SHISA9: variants seen among roughly 807,000 people sequenced by gnomAD.
The protein encoded by SHISA9 is protein shisa-9.
A neutral mutation model predicts 38.0 loss-of-function variants in SHISA9; 13 were observed. The ratio of observed to expected loss-of-function variants is 0.34; its 90% CI spans 0.22 to 0.54. The LOEUF (loss-of-function observed/expected upper bound fraction) is 0.54. Among genes scored for constraint, SHISA9 ranks in the 20% least tolerant of loss-of-function variants. SHISA9 has a pLI of 0.91. For synonymous variants in SHISA9, 275 were observed against 242.0 expected, an observed-to-expected ratio of 1.14 and a Z score of -1.27; for missense variants, 538 against 575.8, an observed-to-expected ratio of 0.93 and a Z score of 0.67.
In SHISA9 at chr16:12,991,832, C is replaced by T. The variant is rs184742793; in HGVS notation, c.691+75017C>T. The stretch of plus-strand genomic sequence containing the variant: ...AGATGATAAGTGGATACTGATAGAT[C>T]CTTTTCCTTTTAATAGTCATGCATT... On this transcript the variant is annotated intron_variant, in intron 2 of 4. Coordinates refer to ENST00000558583, the MANE Select transcript of SHISA9 (RefSeq NM_001145204.3). 5.3e-3 allele frequency among the ~76,000 whole-genome samples: 812 copies of T among 152,060 alleles called. 8 individuals are homozygous for T. The highest frequency in any genetic ancestry group is 0.019 in the African/African-American group (780 of 41,488).
At chr16:13,045,468 A>T (rs1468579655) in intron 2 of SHISA9, among the ~76,000 whole-genome samples, 1 of 152,336 alleles carries the variant, frequency 6.6e-6, no homozygotes, top group South Asian at 2.1e-4. Flanking sequence ...AGATAGGTTC[A>T]TGAGTAATGC....
intron 2 of SHISA9, among the ~76,000 whole-genome samples, chr16:12,921,047 G>A (rs1192104274): frequency 6.6e-6 from 1 of 152,162 alleles, no homozygotes; most frequent in African/African-American, 2.4e-5. Context: ...CTCTCTTTGG[G>A]TCAGTGTTGG....
chr16:12,911,357 A>C, intron 1 of SHISA9: 1 of 985,330 alleles, frequency 1.0e-6, no homozygotes, highest in South Asian at 4.7e-5. Context: ...TCTACTGTCT[A>C]ATTCATTACA....
the SHISA9 span, among the ~76,000 whole-genome samples, chr16:13,271,489 C>T: frequency 9.5e-3 from 1,441 of 152,164 alleles, 27 homozygotes; most frequent in African/African-American, 0.033. Context: ...TGTAAGTCAG[C>T]GTGTACGGTG....
intron 4 of SHISA9, among the ~76,000 whole-genome samples, chr16:13,232,526 G>A (rs531842511): frequency 5.6e-4 from 85 of 152,324 alleles, no homozygotes; most frequent in African/African-American, 1.9e-3. Flanking sequence ...GAGCCAAATA[G>A]GAGTGACCAT....
chr16:13,494,230 T>C, the SHISA9 span, among the ~76,000 whole-genome samples: 2 of 152,206 alleles, frequency 1.3e-5, no homozygotes, highest in African/African-American at 4.8e-5. Flanking sequence ...ATTTCTCCTC[T>C]GCCCACACTC....
the SHISA9 span, among the ~76,000 whole-genome samples, chr16:13,524,731 T>A: frequency 9.7e-5 from 14 of 144,782 alleles, no homozygotes; most frequent in African/African-American, 3.5e-4. Context: ...GCTAATTTTT[T>A]AATTTTTTTT....
chr16:12,972,635 CATGCGGGTA>C (rs2072099822), intron 2 of SHISA9, among the ~76,000 whole-genome samples: 1 of 152,096 alleles, frequency 6.6e-6, no homozygotes, highest in African/African-American at 2.4e-5. Flanking sequence ...GGACCATTGA[CATGCGGGTA>C]ATGCAACTGA....
At chr16:13,231,925 A>T (rs2051335245) in intron 4 of SHISA9, among the ~76,000 whole-genome samples, 1 of 152,240 alleles carries the variant, frequency 6.6e-6, no homozygotes. Flanking sequence ...ATCATTTTAT[A>T]TGCCAGAGCT....
intron 2 of SHISA9, among the ~76,000 whole-genome samples, chr16:13,153,862 T>C (rs527848313): frequency 6.6e-6 from 1 of 151,498 alleles, no homozygotes; most frequent in South Asian, 2.1e-4. Flanking sequence ...ATCAGTGTTG[T>C]GATATAATTA....
chr16:13,298,291 TG>T, the SHISA9 span, among the ~76,000 whole-genome samples: 3 of 152,190 alleles, frequency 2.0e-5, no homozygotes, highest in Non-Finnish European at 4.4e-5. Flanking sequence ...AAGGAACTGA[TG>T]ATCAAACTCC....
the SHISA9 span, among the ~76,000 whole-genome samples, chr16:13,562,256 C>A: frequency 6.6e-6 from 1 of 152,168 alleles, no homozygotes; most frequent in Non-Finnish European, 1.5e-5. Flanking sequence ...GACTGGCCAG[C>A]CTTGGAGTGC....
chr16:13,163,746 T>A (rs1464743880), intron 2 of SHISA9, among the ~76,000 whole-genome samples: 1 of 152,136 alleles, frequency 6.6e-6, no homozygotes, highest in Non-Finnish European at 1.5e-5. Flanking sequence ...AATATTTTTG[T>A]TGCTATTGTA....
chr16:13,181,321 A>T (rs2050777584), intron 2 of SHISA9, among the ~76,000 whole-genome samples: 1 of 145,264 alleles, frequency 6.9e-6, no homozygotes, highest in African/African-American at 2.5e-5. Flanking sequence ...ATACACACAC[A>T]CACACACACA....
At chr16:13,202,710 C>A (rs964045376) in intron 2 of SHISA9, among the ~76,000 whole-genome samples, 2 of 152,038 alleles carry the variant, frequency 1.3e-5, no homozygotes, top group Admixed American at 1.3e-4. Context: ...TTAAGAATTC[C>A]CATATTGATA....
chr16:13,125,115 T>C (rs529378452), intron 2 of SHISA9, among the ~76,000 whole-genome samples: 3 of 152,096 alleles, frequency 2.0e-5, no homozygotes, highest in African/African-American at 7.2e-5. Flanking sequence ...AATGGTCAAA[T>C]GGGATCCCAT....
intron 2 of SHISA9, among the ~76,000 whole-genome samples, chr16:13,171,169 CTT>C (rs1279806209): frequency 6.6e-6 from 1 of 152,034 alleles, no homozygotes; most frequent in African/African-American, 2.4e-5. Context: ...ATCCCAGACT[CTT>C]TTTAACAACC....
In SHISA9 at chr16:13,025,855, G is replaced by C. The variant is rs113699266; in HGVS notation, c.691+109040G>C. 4.5e-3 allele frequency among the ~76,000 whole-genome samples: 687 copies of C among 152,014 alleles called. 7 individuals carry two copies. Among genetic ancestry groups the C allele is most frequent in the African/African-American group, 0.015 (631 of 41,442 alleles). On this transcript the variant is annotated intron_variant, in intron 2 of 4. Transcript: ENST00000558583. ...AGTTTTCCTCTTGTTGCCCATGCTG[G>C]AGTACAATGGTGTGATCCTGGCTCA...
the SHISA9 span, among the ~76,000 whole-genome samples, chr16:13,437,775 G>A: frequency 5.3e-5 from 8 of 152,076 alleles, no homozygotes; most frequent in Non-Finnish European, 1.2e-4. Flanking sequence ...GGTCCTATCA[G>A]TGAGGACAGC....
Sources: allele counts gnomAD v4.1 joint callset (sites outside exome capture counted in the v4.1 genomes callset), GRCh38; gene constraint gnomAD v4.1.1; transcripts MANE v1.5; gene names NCBI Gene and HGNC (gene_info 2026-07-23, HGNC 2026-07-21).